Variants in ZNF254 observed in about 807,000 individuals in gnomAD.
The protein encoded by ZNF254 is zinc finger protein 254.
ZNF254 carries 10 observed loss-of-function variants against 12.4 expected under a neutral mutation model. That is an observed-to-expected ratio of 0.80 (90% CI 0.50 to 1.36). The LOEUF (loss-of-function observed/expected upper bound fraction) is 1.36. Among genes scored for constraint, ZNF254 ranks in the 40% most tolerant of loss-of-function variants. The pLI is 0.00. For synonymous variants in ZNF254, 305 were observed against 253.4 expected, an observed-to-expected ratio of 1.20 and a Z score of -1.93; for missense variants, 996 against 763.9, an observed-to-expected ratio of 1.30 and a Z score of -3.58.
intron 2 of ZNF254, among the ~76,000 whole-genome samples, chr19:24,047,005 A>T (rs1457340389): frequency 1.3e-5 from 2 of 151,804 alleles, no homozygotes; most frequent in Non-Finnish European, 2.9e-5. Flanking sequence ...CTGGGATTAC[A>T]GTTGTGCGCC....
rs569719679 is a variant in ZNF254, at chr19:24,048,567, TCCTC to T, written c.-94+2291_-94+2294del. Among the ~76,000 whole-genome samples the T allele has an allele frequency of 5.6e-3, 847 of 152,354 alleles. 5 individuals carry two copies. The highest frequency in any genetic ancestry group is 0.032 in the South Asian group (154 of 4,830). Reference sequence around the variant, plus strand: ...CACCTTCCTGGGCTCATCCAGGTGATCCTCCCATTTTGGCCTCCCAAATAGCTGG... The same window carrying T: ...CACCTTCCTGGGCTCATCCAGGTGATCCATTTTGGCCTCCCAAATAGCTGG... On this transcript the variant is annotated intron_variant, in intron 2 of 4. Coordinates refer to the ZNF254 transcript ENST00000613065.
At chr19:24,086,368 G>T (rs1444692288), upstream of ZNF254, among the ~76,000 whole-genome samples, 1 of 152,010 alleles carries the variant, frequency 6.6e-6, no homozygotes, top group African/African-American at 2.4e-5. Context: ...TGCAGTGGCA[G>T]GATCTTGACT....
intron 2 of ZNF254, among the ~76,000 whole-genome samples, chr19:24,053,263 T>TC (rs1457719779): frequency 6.6e-6 from 1 of 152,182 alleles, no homozygotes; most frequent in Non-Finnish European, 1.5e-5. Context: ...CATGCACAAA[T>TC]CCAGACCATC....
At chr19:24,090,920 A>G (rs547983620) in intron 1 of ZNF254, among the ~76,000 whole-genome samples, 2 of 131,592 alleles carry the variant, frequency 1.5e-5, no homozygotes, top group African/African-American at 3.2e-5. Context: ...TTTCTCGGAC[A>G]TGTTTTTTTT....
intron 3 of ZNF254, among the ~76,000 whole-genome samples, chr19:24,125,706 T>G (rs1194119673): frequency 6.6e-5 from 10 of 152,224 alleles, no homozygotes; most frequent in Admixed American, 6.5e-4. Context: ...CTACACCTTT[T>G]CCATTTCTGT....
At position 24,127,155 on chromosome 19, in the gene ZNF254, A is replaced by T; in HGVS notation, c.1155A>T (p.Lys385Asn). The T allele has an allele frequency of 6.2e-7, 1 of 1,613,458 alleles. No homozygotes were observed. Among genetic ancestry groups the T allele is most frequent in the East Asian group, 2.2e-5 (1 of 44,788 alleles). Residue 385 changes from lysine (K) to asparagine (N), a missense_variant, in exon 4 of 4, where the codon AAA becomes AAT. Lys to Asn is a moderately conservative substitution (Grantham distance 94, BLOSUM62 0). Coordinates refer to ENST00000357002, the MANE Select transcript of ZNF254 (RefSeq NM_203282.4). ...GCTACAAATGCTTAGAATGTGGCAA[A>T]GCTTTTAAGCAACTCTCAACTCTTA... Reference protein sequence around the residue: ...EKRYKCLECGKAFKQLSTLTT... With the variant: ...EKRYKCLECGNAFKQLSTLTT...
At chr19:24,101,008 G>T (rs920284537) in intron 1 of ZNF254, among the ~76,000 whole-genome samples, 14 of 151,938 alleles carry the variant, frequency 9.2e-5, no homozygotes, top group Non-Finnish European at 2.1e-4. Flanking sequence ...TGTATTTTTA[G>T]TAGAGATAGG....
rs187964030 is a variant in ZNF254, at chr19:24,119,101, G to A, written c.254-7153G>A. ...CATTCCATCCTGGGCAACAGAATGA[G>A]ACTCTGACTTCAAAAACAAAAAAAG... On this transcript the variant is annotated intron_variant, in intron 3 of 3. Coordinates refer to ENST00000357002, the MANE Select transcript of ZNF254 (RefSeq NM_203282.4). Among the ~76,000 whole-genome samples, 40 of 151,998 alleles carry A rather than the reference G, an allele frequency of 2.6e-4. 1 individual carries two copies. Among genetic ancestry groups the A allele is most frequent in the Non-Finnish European group, 4.7e-4 (32 of 67,966 alleles).
Position 24,126,754 on chromosome 19 carries a change from A to T in ZNF254, c.754A>T (p.Thr252Ser). ...EYNKSPKQLS[T>S]LTTHEIIHAG... Reference sequence around the variant, plus strand: ...TAACAAATCTCCTAAGCAACTCTCAACCCTTACTACACATGAAATAATTCA... The same window carrying T: ...TAACAAATCTCCTAAGCAACTCTCATCCCTTACTACACATGAAATAATTCA... The change falls in exon 4 of 4, where the codon ACC becomes TCC. Residue 252 changes from threonine (T) to serine (S), a missense_variant. By Grantham distance (58) the Thr-to-Ser change is moderately conservative (BLOSUM62 1). Coordinates refer to ENST00000357002, the MANE Select transcript of ZNF254 (RefSeq NM_203282.4). The T allele has an allele frequency of 6.2e-7, 1 of 1,613,394 alleles. No individual in the cohort carries two copies.
intron 1 of ZNF254, among the ~76,000 whole-genome samples, chr19:24,091,644 C>T (rs1224395828): frequency 6.6e-6 from 1 of 152,034 alleles, no homozygotes; most frequent in East Asian, 1.9e-4. Context: ...AGGCCTGTGC[C>T]ACCACACCTG....
chr19:24,117,344 C>T (rs528352899), intron 3 of ZNF254, among the ~76,000 whole-genome samples: 1 of 152,306 alleles, frequency 6.6e-6, no homozygotes, highest in East Asian at 1.9e-4. Flanking sequence ...TGGTGGGCTC[C>T]ACCCAGTTTG....
upstream of ZNF254, among the ~76,000 whole-genome samples, chr19:24,082,736 T>C (rs1164723982): frequency 1.3e-5 from 2 of 151,230 alleles, no homozygotes; most frequent in East Asian, 4.0e-4. Flanking sequence ...CCCGACCACC[T>C]TGGGCACATG....
chr19:24,048,733 G>A (rs1970506186), intron 2 of ZNF254, among the ~76,000 whole-genome samples: 1 of 151,066 alleles, frequency 6.6e-6, no homozygotes, highest in Non-Finnish European at 1.5e-5. Flanking sequence ...GCTCCTTCCT[G>A]TACACTGCAG....
At chr19:24,111,251 T>C (rs1824236669) in intron 3 of ZNF254, among the ~76,000 whole-genome samples, 1 of 152,120 alleles carries the variant, frequency 6.6e-6, no homozygotes, top group Non-Finnish European at 1.5e-5. Flanking sequence ...TGATTTCCAG[T>C]TTCATCCATG....
intron 2 of ZNF254, among the ~76,000 whole-genome samples, chr19:24,057,463 C>G (rs898654208): frequency 6.6e-6 from 1 of 152,184 alleles, no homozygotes; most frequent in Non-Finnish European, 1.5e-5. Context: ...GATACCATTA[C>G]AATTGTCTCC....
intron 3 of ZNF254, among the ~76,000 whole-genome samples, chr19:24,108,496 A>G (rs886107479): frequency 3.9e-5 from 6 of 152,118 alleles, no homozygotes; most frequent in African/African-American, 1.4e-4. Flanking sequence ...GAGTTCTTTT[A>G]AAGGCATTTA....
chr19:24,078,038 T>C (rs1568441842), intron 2 of ZNF254, among the ~76,000 whole-genome samples: 1 of 152,214 alleles, frequency 6.6e-6, no homozygotes, highest in African/African-American at 2.4e-5. Flanking sequence ...CATTTTTTGT[T>C]GTTGTTGTTG....
At chr19:24,096,059 CT>C (rs200037759) in intron 1 of ZNF254, among the ~76,000 whole-genome samples, 20,610 of 121,550 alleles carry the variant, frequency 0.17, 1,482 homozygotes, top group East Asian at 0.21. Flanking sequence ...TTTTTTAGTT[CT>C]TTTTTTTTTT....
chr19:24,080,364 A>G (rs1448119848), intron 2 of ZNF254: 1 of 152,238 alleles, frequency 6.6e-6, no homozygotes, highest in East Asian at 1.9e-4. Context: ...GACCACTGGA[A>G]GAGGGTTTGT....
Sources: gnomAD v4.1 joint callset for allele counts (sites outside exome capture counted in the v4.1 genomes callset) on GRCh38, gnomAD v4.1.1 for gene constraint, MANE v1.5 for transcripts, NCBI Gene and HGNC (gene_info 2026-07-23, HGNC 2026-07-21) for gene names.